Variants in NCLN observed in about 807,000 individuals in gnomAD.
NCLN encodes nicalin.
A neutral mutation model predicts 69.5 loss-of-function variants in NCLN; 34 were observed. The observed-to-expected ratio is 0.49, with a 90% CI of 0.37 to 0.65. NCLN has a LOEUF of 0.65. Among genes scored for constraint, NCLN ranks in the 30% least tolerant of loss-of-function variants. The probability of loss-of-function intolerance (pLI) is 0.00; values close to 1 mark genes in which losing one functional copy is unlikely to be tolerated. For synonymous variants in NCLN, 393 were observed against 358.3 expected (o/e 1.10, Z -1.09); for missense variants, 710 against 804.8 (o/e 0.88, Z 1.42).
chr19:3,193,008 A>G (rs1446314453), intron 2 of NCLN, among the ~76,000 whole-genome samples: 2 of 144,070 alleles, frequency 1.4e-5, no homozygotes, highest in African/African-American at 5.0e-5. Flanking sequence ...AAGACCTGGT[A>G]GAATCCAGCA....
intron 8 of NCLN, 105 bp from the exon 9 acceptor site, chr19:3,204,468 T>G: frequency 2.4e-6 from 3 of 1,271,340 alleles, no homozygotes; most frequent in South Asian, 1.6e-5. Context: ...TTTCTCCTCA[T>G]TTTGCACCCT....
chr19:3,188,988 G>A (rs553565339), intron 1 of NCLN, among the ~76,000 whole-genome samples: 20 of 152,306 alleles, frequency 1.3e-4, no homozygotes, highest in Non-Finnish European at 2.5e-4. Context: ...CCATCTTCCC[G>A]GTGTGCTTTC....
At chr19:3,203,892 G>C in intron 7 of NCLN, 48 bp downstream of exon 7, 1 of 1,595,110 alleles carries the variant, frequency 6.3e-7, no homozygotes, top group Non-Finnish European at 8.5e-7. Context: ...GTGGTGCCGT[G>C]GGGAGGCACG....
At chr19:3,193,020 A>G (rs1048792359) in intron 2 of NCLN, among the ~76,000 whole-genome samples, 4 of 128,030 alleles carry the variant, frequency 3.1e-5, no homozygotes, top group Non-Finnish European at 6.3e-5. Flanking sequence ...AATCCAGCAG[A>G]CGCCCTGGGT....
rs1568310705 is a variant in NCLN at position 3,193,147 on chromosome 19, A to AGTGGG, written c.376-137_376-136insGTGGG. 63 of 789,882 alleles carry AGTGGG rather than the reference A, an allele frequency of 8.0e-5. 1 individual carries two copies. The highest frequency in any genetic ancestry group is 2.2e-4 in the East Asian group (8 of 36,950). 48.9% of individuals were successfully genotyped at this position (789,882 alleles called of 1,614,324 possible). On this transcript the variant is annotated intron_variant, in intron 2 of 14. Transcript: ENST00000246117. Reference sequence around the variant, plus strand: ...GCCTGCCTGCCCTCCAGGGACAGTCACTGGGCCCCCTGCTACCCCCTCCAG... The same window carrying AGTGGG: ...GCCTGCCTGCCCTCCAGGGACAGTCAGTGGGCTGGGCCCCCTGCTACCCCCTCCAG...
rs1223645280 is a variant in NCLN at position 3,204,015 on chromosome 19, G to A, written c.900G>A (p.Leu300=). 1.9e-6 allele frequency: 3 copies of A among 1,570,126 alleles called. No individual in the cohort carries two copies. Among genetic ancestry groups the A allele is most frequent in the Non-Finnish European group, 2.6e-6 (3 of 1,157,870 alleles). The part of the protein sequence containing the change: ...EDNLDHTDSS[L]LQDNVAFVLC... ...CTCGGTGTCCTGCAGACTCCAGCCT[G>A]CTTCAGGACAATGTGGCCTTCGTGC... The change falls in exon 8 of 15, where the codon CTG becomes CTA. Residue 300 remains leucine, a synonymous_variant. Transcript: ENST00000246117.
At chr19:3,200,972 C>A (rs1916111273) in intron 5 of NCLN, among the ~76,000 whole-genome samples, 1 of 152,276 alleles carries the variant, frequency 6.6e-6, no homozygotes, top group African/African-American at 2.4e-5. Context: ...TTGGGACGGT[C>A]CCAAGCCATT....
chr19:3,198,328 A>G (rs1798364571), intron 4 of NCLN, among the ~76,000 whole-genome samples: 1 of 151,950 alleles, frequency 6.6e-6, no homozygotes, highest in African/African-American at 2.4e-5. Context: ...AACATGATGA[A>G]ACCCCGTCTC....
intron 6 of NCLN, among the ~76,000 whole-genome samples, 187 bp from the exon 7 acceptor site, chr19:3,203,569 C>T (rs1340944250): frequency 6.6e-6 from 1 of 152,130 alleles, no homozygotes; most frequent in Non-Finnish European, 1.5e-5. Flanking sequence ...ACAGCCTCAC[C>T]TCAGAGAACC....
intron 4 of NCLN, among the ~76,000 whole-genome samples, chr19:3,197,660 G>A (rs1054831538): frequency 3.7e-5 from 5 of 133,550 alleles, no homozygotes; most frequent in African/African-American, 1.1e-4. Context: ...CGCTCCTGTT[G>A]CCTAGGCTGG....
intron 4 of NCLN, among the ~76,000 whole-genome samples, chr19:3,197,211 C>T (rs1341351278): frequency 6.6e-6 from 1 of 152,260 alleles, no homozygotes; most frequent in Non-Finnish European, 1.5e-5. Flanking sequence ...CACAGTGGCA[C>T]AGGCGCTGGG....
At chr19:3,192,735 G>T in intron 2 of NCLN, 75 bp downstream of exon 2, 2 of 1,359,978 alleles carry the variant, frequency 1.5e-6, no homozygotes, top group Non-Finnish European at 1.9e-6. Context: ...TGTGACCCTA[G>T]GCGGGTCACT....
chr19:3,186,145 G>A lies in NCLN; in HGVS notation c.115G>A (p.Ala39Thr), dbSNP rs750446211. 8.8e-6 allele frequency: 14 copies of A among 1,596,082 alleles called. No homozygotes were observed. Among genetic ancestry groups the A allele is most frequent in the Non-Finnish European group, 1.2e-5 (14 of 1,173,640 alleles). The change falls in exon 1 of 15, where the codon GCC becomes ACC. Residue 39 changes from alanine to threonine, a missense_variant. Physicochemically the swap from Ala to Thr is moderately conservative, Grantham distance 58. Coordinates refer to ENST00000246117, the MANE Select transcript of NCLN (RefSeq NM_020170.4). ...VLLLVAPPLP[A>T]ADAAHEFTVY... Reference sequence around the variant, plus strand: ...GCTGCTGGTGGCGCCGCCGCTGCCTGCCGCCGACGCCGCGCACGAGTTCAC... The same window carrying A: ...GCTGCTGGTGGCGCCGCCGCTGCCTACCGCCGACGCCGCGCACGAGTTCAC...
Position 3,192,656 on chromosome 19 carries a change from T to C in NCLN, c.371T>C (p.Val124Ala). Residue 124 changes from valine (V) to alanine (A), a missense_variant, in exon 2 of 15, where the codon GTC becomes GCC. Physicochemically the swap from Val to Ala is moderately conservative, Grantham distance 64. Transcript: ENST00000246117. ...RAMAAVPQDV[V>A]RQFMEIEPEM... is the part of the protein sequence containing the mutation. ...ATGGCCGCCGTGCCCCAGGACGTCG[T>C]CCGGGTGAGCGTCTGCCCTGCCCCG... is the stretch of plus-strand genomic sequence containing the variant. 1 of 1,553,206 alleles carries C rather than the reference T, an allele frequency of 6.4e-7. No homozygotes were observed. Among genetic ancestry groups the C allele is most frequent in the Non-Finnish European group, 8.7e-7 (1 of 1,148,966 alleles).
At position 3,196,191 on chromosome 19, in the gene NCLN, C is replaced by T. The variant is rs777553397; in HGVS notation, c.529C>T (p.Arg177Cys). ...GSASAAEVLLRTATANGFQMV... is the reference protein window; with the variant it reads ...GSASAAEVLLCTATANGFQMV... ...CCTCTCCCTCTCCCTAGTACTGCTG[C>T]GCACGGCCACTGCCAACGGCTTCCA... Residue 177 changes from arginine (R) to cysteine (C), a missense_variant, in exon 4 of 15, where the codon CGC (arginine) becomes TGC (cysteine). Transcript: ENST00000246117. The T allele has an allele frequency of 1.3e-5, 20 of 1,551,854 alleles. No homozygotes were observed. The highest frequency in any genetic ancestry group is 3.6e-5 in the South Asian group (3 of 84,112).
At chr19:3,189,906 T>C (rs1335822986) in intron 1 of NCLN, among the ~76,000 whole-genome samples, 1 of 152,162 alleles carries the variant, frequency 6.6e-6, no homozygotes, top group Admixed American at 6.5e-5. Context: ...GGGCGGGGCT[T>C]CGGAATGGGA....
chr19:3,203,906 G>C (rs1177861681), intron 7 of NCLN, 62 bp downstream of exon 7: 2 of 1,584,270 alleles, frequency 1.3e-6, no homozygotes, highest in East Asian at 2.3e-5. Flanking sequence ...AGGCACGGAG[G>C]CCCAGGGGTT....
intron 8 of NCLN, 139 bp downstream of exon 8, chr19:3,204,283 G>A: frequency 8.8e-7 from 1 of 1,136,968 alleles, no homozygotes; most frequent in South Asian, 1.8e-5. Flanking sequence ...GGTCGGGCTG[G>A]GGTGTTCTGT....
chr19:3,203,744 C>G lies in NCLN; in HGVS notation c.801-12C>G. 1 of 1,606,562 alleles carries G rather than the reference C, an allele frequency of 6.2e-7. No individual in the cohort carries two copies. Among genetic ancestry groups the G allele is most frequent in the Non-Finnish European group, 8.5e-7 (1 of 1,176,870 alleles). ...TTGCCCGTCAAAGCTAACACTGGGT[C>G]TTCCCTCCCAGCTACAACCTCCTGT... On this transcript the variant is annotated splice_polypyrimidine_tract_variant and intron_variant, in intron 6 of 14. Transcript: ENST00000246117.
Sources: gnomAD v4.1 joint callset for allele counts (sites outside exome capture counted in the v4.1 genomes callset) on GRCh38, gnomAD v4.1.1 for gene constraint, MANE v1.5 for transcripts, NCBI Gene and HGNC (gene_info 2026-07-23, HGNC 2026-07-21) for gene names.